Variants in XKR4 observed in about 807,000 individuals in gnomAD.
XKR4 encodes the protein XK related 4.
In XKR4, 12 loss-of-function variants were observed where a neutral mutation model predicts 53.9. That is an observed-to-expected ratio of 0.22 (90% confidence interval 0.14 to 0.36). The LOEUF (loss-of-function observed/expected upper bound fraction) is 0.36. Ranked by LOEUF, XKR4 falls within the 10% of genes least tolerant of loss-of-function variation. The pLI, the probability that XKR4 is intolerant of heterozygous loss-of-function variation, is 1.00. For synonymous variants in XKR4, 354 were observed against 362.4 expected, an observed-to-expected ratio of 0.98 and a Z score of 0.26; for missense variants, 799 against 859.5, an observed-to-expected ratio of 0.93 and a Z score of 0.88.
intron 2 of XKR4, among the ~76,000 whole-genome samples, chr8:55,464,770 T>C (rs1413039925): frequency 6.6e-6 from 1 of 152,182 alleles, no homozygotes; most frequent in African/African-American, 2.4e-5. Context: ...CTTAAGCTGA[T>C]AAGCAACTTC....
chr8:55,409,476 C>A (rs1157315075), intron 2 of XKR4, among the ~76,000 whole-genome samples: 2 of 152,070 alleles, frequency 1.3e-5, no homozygotes, highest in African/African-American at 4.8e-5. Context: ...TCAGTGGCAG[C>A]TTGTTGTAAG....
At chr8:55,508,818 G>A (rs1007095522) in intron 2 of XKR4, among the ~76,000 whole-genome samples, 8 of 152,188 alleles carry the variant, frequency 5.3e-5, no homozygotes, top group South Asian at 2.1e-4. Flanking sequence ...TGGAGTCATC[G>A]CTGCTTATTC....
At chr8:55,120,097 C>T (rs1384348189) in intron 1 of XKR4, among the ~76,000 whole-genome samples, 2 of 152,170 alleles carry the variant, frequency 1.3e-5, no homozygotes, top group Admixed American at 1.3e-4. Flanking sequence ...TTTGTTTTCA[C>T]AGTCAGCTCC....
intron 1 of XKR4, among the ~76,000 whole-genome samples, chr8:55,125,524 A>G (rs994945204): frequency 1.3e-5 from 2 of 152,218 alleles, no homozygotes; most frequent in Non-Finnish European, 2.9e-5. Flanking sequence ...ATGAGCCACC[A>G]TGCCCAGCCT....
chr8:55,473,562 AG>A (rs1439349192), intron 2 of XKR4, among the ~76,000 whole-genome samples: 2 of 152,132 alleles, frequency 1.3e-5, no homozygotes, highest in African/African-American at 4.8e-5. Context: ...CCAAACAGAA[AG>A]GCAGACACTG....
chr8:55,228,842 T>TACACACACAC (rs71256522), intron 1 of XKR4, among the ~76,000 whole-genome samples: 8 of 149,986 alleles, frequency 5.3e-5, no homozygotes, highest in African/African-American at 2.0e-4. Context: ...TGTGTGTATG[T>TACACACACAC]ACACACACAC....
chr8:55,117,180 T>C (rs1317361678), intron 1 of XKR4, among the ~76,000 whole-genome samples: 1 of 152,190 alleles, frequency 6.6e-6, no homozygotes, highest in Non-Finnish European at 1.5e-5. Flanking sequence ...TTCTATTCTA[T>C]TGGACATTGC....
At chr8:55,191,623 T>A (rs1817444721) in intron 1 of XKR4, among the ~76,000 whole-genome samples, 1 of 152,062 alleles carries the variant, frequency 6.6e-6, no homozygotes, top group Admixed American at 6.5e-5. Context: ...ACATTTAGAC[T>A]AGGACACGCT....
intron 2 of XKR4, among the ~76,000 whole-genome samples, chr8:55,495,693 T>G (rs1004753594): frequency 9.2e-5 from 14 of 152,200 alleles, no homozygotes; most frequent in Non-Finnish European, 1.9e-4. Context: ...GCAGAGGCTC[T>G]GGGCAAGGGA....
At chr8:55,451,138 G>A in intron 2 of XKR4, 1 of 518,428 alleles carries the variant, frequency 1.9e-6, no homozygotes, top group Non-Finnish European at 3.4e-6. Context: ...GCTTGCTGTG[G>A]CCACAGGAAG....
At chr8:55,300,646 A>T (rs940780177) in intron 1 of XKR4, among the ~76,000 whole-genome samples, 7 of 152,096 alleles carry the variant, frequency 4.6e-5, no homozygotes, top group African/African-American at 1.7e-4. Flanking sequence ...CACAAGGGGG[A>T]GGAGCAAGCA....
intron 2 of XKR4, among the ~76,000 whole-genome samples, chr8:55,476,727 A>G (rs924485153): frequency 5.3e-5 from 8 of 152,192 alleles, no homozygotes; most frequent in Non-Finnish European, 1.0e-4. Flanking sequence ...TTAAAAAATG[A>G]CACACCAGGA....
rs1805446557 is a variant in XKR4 at position 55,451,550 on chromosome 8, C to A, written c.1007-71731C>A. The A allele has an allele frequency of 2.8e-6, 3 of 1,072,086 alleles. No individual in the cohort carries two copies. In the Admixed American group the frequency reaches 6.8e-5, roughly 24 times the overall value. 66.4% of individuals were successfully genotyped at this position (1,072,086 alleles called of 1,614,324 possible). On this transcript the variant is annotated intron_variant, in intron 2 of 2. Coordinates refer to ENST00000327381, the MANE Select transcript of XKR4 (RefSeq NM_052898.2). The stretch of plus-strand genomic sequence containing the variant: ...CCGACTACACCTATGCCGTACAGGC[C>A]CCCAGAATGCAGCAGTACTGCCTTG...
intron 1 of XKR4, among the ~76,000 whole-genome samples, chr8:55,353,173 G>T (rs980977313): frequency 1.3e-5 from 2 of 152,160 alleles, no homozygotes; most frequent in African/African-American, 4.8e-5. Context: ...AAGTGTTAGG[G>T]TTGAATCGTG....
chr8:55,307,038 T>C (rs1819311600), intron 1 of XKR4, among the ~76,000 whole-genome samples: 1 of 140,804 alleles, frequency 7.1e-6, no homozygotes, highest in South Asian at 2.5e-4. Context: ...CTATACACTT[T>C]TAGAAAAAAA....
intron 1 of XKR4, among the ~76,000 whole-genome samples, chr8:55,125,665 A>G (rs1450971056): frequency 6.6e-6 from 1 of 152,214 alleles, no homozygotes; most frequent in Non-Finnish European, 1.5e-5. Context: ...TATATTAAAC[A>G]CAAAAGCCTA....
At chr8:55,265,156 A>C (rs1335204307) in intron 1 of XKR4, among the ~76,000 whole-genome samples, 1 of 152,220 alleles carries the variant, frequency 6.6e-6, no homozygotes, top group African/African-American at 2.4e-5. Context: ...GTATCACTAC[A>C]AGCAGATGGA....
rs376408238 is a variant in XKR4 at position 55,127,768 on chromosome 8, C to T, written c.806+24474C>T. Among the ~76,000 whole-genome samples, 1,153 of 131,428 alleles carry T rather than the reference C, an allele frequency of 8.8e-3. 6 individuals are homozygous for T. Among genetic ancestry groups the T allele is most frequent in the Non-Finnish European group, 0.015 (941 of 63,496 alleles). 86.2% of individuals were successfully genotyped at this position (131,428 alleles called of 152,430 possible). ...ACAACAGTCCCCAGTGTGTGATGTT[C>T]CCCTTCCTGTGTCCATGTGTTCTCA... On this transcript the variant is annotated intron_variant, in intron 1 of 2. Coordinates refer to ENST00000327381, the MANE Select transcript of XKR4 (RefSeq NM_052898.2).
Position 55,529,623 on chromosome 8 carries a change from G to T in XKR4, c.*5396G>T, listed in dbSNP as rs1256448898. On this transcript the variant is annotated 3_prime_UTR_variant, in exon 3 of 3. Transcript: ENST00000327381. Reference sequence around the variant, plus strand: ...GAGATGTCAAGCAATTTGCCCAAAGGTCCCACAGCTAGGAAACAGTGGGGC... The same window carrying T: ...GAGATGTCAAGCAATTTGCCCAAAGTTCCCACAGCTAGGAAACAGTGGGGC... The T allele has an allele frequency of 1.3e-5, 2 of 152,090 alleles. No individual in the cohort carries two copies. The highest frequency in any genetic ancestry group is 2.4e-5 in the African/African-American group (1 of 41,400). 9.4% of individuals were successfully genotyped at this position (152,090 alleles called of 1,614,324 possible).
Sources: allele counts gnomAD v4.1 joint callset (sites outside exome capture counted in the v4.1 genomes callset), GRCh38; gene constraint gnomAD v4.1.1; transcripts MANE v1.5; gene names NCBI Gene and HGNC (gene_info 2026-07-23, HGNC 2026-07-21).